Variants in MSRA observed in about 807,000 individuals in gnomAD.
MSRA encodes methionine sulfoxide reductase A.
MSRA carries 54 observed loss-of-function variants against 31.3 expected under a neutral mutation model. That is an observed-to-expected ratio of 1.73 (90% CI 1.39 to 2.17). MSRA has a LOEUF of 2.17. Ranked by LOEUF, MSRA falls within the 30% of genes most tolerant of loss-of-function variation. The pLI is 0.00. For missense variants in MSRA, 507 were observed against 300.9 expected, an observed-to-expected ratio of 1.69 and a Z score of -5.07; for synonymous variants, 169 against 116.5, an observed-to-expected ratio of 1.45 and a Z score of -2.90.
At chr8:10,313,609 T>A (rs952942765) in intron 4 of MSRA, among the ~76,000 whole-genome samples, 1 of 152,220 alleles carries the variant, frequency 6.6e-6, no homozygotes. Flanking sequence ...ATGAATTCAG[T>A]GCAAATCCAA....
At chr8:10,187,163 A>G (rs1035733348) in intron 1 of MSRA, among the ~76,000 whole-genome samples, 1 of 152,226 alleles carries the variant, frequency 6.6e-6, no homozygotes, top group Non-Finnish European at 1.5e-5. Flanking sequence ...ACTTCGGGAA[A>G]TGGTACGACC....
intron 1 of MSRA, among the ~76,000 whole-genome samples, chr8:10,064,394 C>T (rs1052816153): frequency 6.6e-6 from 1 of 151,032 alleles, no homozygotes; most frequent in East Asian, 1.9e-4. Flanking sequence ...TCTTGTATTT[C>T]TGTAGGAATT....
intron 5 of MSRA, among the ~76,000 whole-genome samples, chr8:10,363,027 A>G (rs757834599): frequency 6.5e-4 from 99 of 152,358 alleles, no homozygotes; most frequent in Non-Finnish European, 6.2e-4. Flanking sequence ...TAAGAAATGT[A>G]TTCAGTGACC....
intron 5 of MSRA, among the ~76,000 whole-genome samples, chr8:10,336,151 A>G (rs944517312): frequency 3.9e-5 from 6 of 152,312 alleles, no homozygotes; most frequent in Admixed American, 2.6e-4. Context: ...ATTTGTCAAG[A>G]TCAGGGGCTA....
intron 3 of MSRA, among the ~76,000 whole-genome samples, chr8:10,288,404 G>C (rs192611460): frequency 6.6e-6 from 1 of 152,268 alleles, no homozygotes; most frequent in Non-Finnish European, 1.5e-5. Context: ...ATAATTTATA[G>C]AATCAGGTGG....
chr8:10,265,517 C>T (rs12679687), intron 3 of MSRA, among the ~76,000 whole-genome samples: 20,418 of 152,248 alleles, frequency 0.13, 1,884 homozygotes, highest in East Asian at 0.4. Context: ...GATGACTCAG[C>T]ATTGTCAGGC....
intron 5 of MSRA, among the ~76,000 whole-genome samples, chr8:10,386,091 T>A (rs2129176930): frequency 6.6e-6 from 1 of 152,310 alleles, no homozygotes; most frequent in South Asian, 2.1e-4. Context: ...ATAGGGGCCA[T>A]TGAAGTGCCT....
At chr8:10,414,322 C>T (rs74579581) in intron 5 of MSRA, among the ~76,000 whole-genome samples, 5,674 of 152,262 alleles carry the variant, frequency 0.037, 317 homozygotes, top group African/African-American at 0.13. Context: ...GACTTAACTT[C>T]CTCATTTTAC....
intron 5 of MSRA, among the ~76,000 whole-genome samples, chr8:10,424,748 AG>A (rs1369956611): frequency 1.3e-5 from 2 of 152,300 alleles, no homozygotes; most frequent in East Asian, 3.9e-4. Flanking sequence ...CTCCTGGGTT[AG>A]GGGAGGTGCT....
intron 5 of MSRA, among the ~76,000 whole-genome samples, chr8:10,373,622 G>C (rs1379972545): frequency 2.6e-5 from 4 of 152,256 alleles, no homozygotes; most frequent in Non-Finnish European, 4.4e-5. Context: ...GCCTGGAAGG[G>C]GATCAGGGTT....
At chr8:10,235,503 C>G (rs1261927762) in intron 2 of MSRA, among the ~76,000 whole-genome samples, 10 of 151,634 alleles carry the variant, frequency 6.6e-5, no homozygotes. Context: ...GACTAACAGA[C>G]CAAAAAGTAA....
chr8:10,299,942 A>G (rs1800752461), intron 3 of MSRA, among the ~76,000 whole-genome samples: 2 of 152,242 alleles, frequency 1.3e-5, no homozygotes, highest in Non-Finnish European at 2.9e-5. Context: ...GGATAAAAAT[A>G]TATTTCAGTC....
chr8:10,361,535 C>T (rs1293219115), intron 5 of MSRA, among the ~76,000 whole-genome samples: 2 of 152,160 alleles, frequency 1.3e-5, no homozygotes, highest in Admixed American at 1.3e-4. Flanking sequence ...GGGGTGCAAG[C>T]CAGTCCTTGC....
intron 1 of MSRA, among the ~76,000 whole-genome samples, chr8:10,132,558 C>A (rs986293765): frequency 1.3e-5 from 2 of 152,190 alleles, no homozygotes; most frequent in African/African-American, 4.8e-5. Context: ...GATTTGGTGT[C>A]TGATGAGGGC....
chr8:10,057,859 T>C (rs1585058041), intron 1 of MSRA, among the ~76,000 whole-genome samples: 1 of 152,210 alleles, frequency 6.6e-6, no homozygotes, highest in Non-Finnish European at 1.5e-5. Flanking sequence ...ACCTCTCTTC[T>C]TTATAAGTTA....
chr8:10,228,800 C>T (rs937736746), intron 2 of MSRA, among the ~76,000 whole-genome samples: 11 of 152,182 alleles, frequency 7.2e-5, no homozygotes, highest in South Asian at 2.1e-4. Flanking sequence ...GGGTTATCAC[C>T]GGATTCCACA....
intron 1 of MSRA, among the ~76,000 whole-genome samples, chr8:10,159,482 AC>A (rs1342577522): frequency 3.9e-5 from 6 of 152,246 alleles, no homozygotes; most frequent in Admixed American, 2.6e-4. Context: ...CTTACCTCTT[AC>A]TTCTGGAGCT....
At chr8:10,070,514 T>A (rs1014989590) in intron 1 of MSRA, among the ~76,000 whole-genome samples, 1 of 152,258 alleles carries the variant, frequency 6.6e-6, no homozygotes, top group Non-Finnish European at 1.5e-5. Flanking sequence ...ACTCTTTGCC[T>A]GGTTTCCTCA....
At chr8:10,148,154 A>G (rs1195364854) in intron 1 of MSRA, among the ~76,000 whole-genome samples, 1 of 152,236 alleles carries the variant, frequency 6.6e-6, no homozygotes, top group Admixed American at 6.5e-5. Flanking sequence ...TTTTTAGATA[A>G]GAGTTACAGA....
Sources: gnomAD v4.1 joint callset for allele counts (sites outside exome capture counted in the v4.1 genomes callset) on GRCh38, gnomAD v4.1.1 for gene constraint, MANE v1.5 for transcripts, NCBI Gene and HGNC (gene_info 2026-07-23, HGNC 2026-07-21) for gene names.